Variants in KIAA1671 observed in about 807,000 individuals in gnomAD.
KIAA1671 encodes the protein uncharacterized protein KIAA1671.
A neutral mutation model predicts 131.2 loss-of-function variants in KIAA1671; 52 were observed. The observed-to-expected ratio is 0.40, with a 90% CI of 0.32 to 0.50. KIAA1671 has a LOEUF of 0.50. Ranked by LOEUF, KIAA1671 falls within the 20% of genes least tolerant of loss-of-function variation. KIAA1671 has a pLI of 0.73. For synonymous variants in KIAA1671, 1,003 were observed against 961.6 expected, an observed-to-expected ratio of 1.04 and a Z score of -0.80; for missense variants, 2,360 against 2,364.2, an observed-to-expected ratio of 1.00 and a Z score of 0.04.
At chr22:25,070,389 C>A in intron 6 of KIAA1671, 1 of 515,168 alleles carries the variant, frequency 1.9e-6, no homozygotes, top group African/African-American at 2.0e-5. Flanking sequence ...ACTGCCCCAG[C>A]CTGCTGAAGC....
At chr22:25,170,660 G>A (rs1313033051) in intron 6 of KIAA1671, among the ~76,000 whole-genome samples, 160 bp from the exon 7 acceptor site, 7 of 152,218 alleles carry the variant, frequency 4.6e-5, no homozygotes, top group African/African-American at 9.6e-5. Context: ...GATTGGTCAC[G>A]CTAGTGCCCA....
chr22:25,018,143 GC>G (rs1925439467), intron 1 of KIAA1671, among the ~76,000 whole-genome samples: 1 of 147,008 alleles, frequency 6.8e-6, no homozygotes, highest in Admixed American at 6.8e-5. Flanking sequence ...CCCCCTGTCT[GC>G]CCCCATCAGG....
chr22:24,979,350 A>ATTT (rs774816891), intron 1 of KIAA1671, among the ~76,000 whole-genome samples: 14 of 134,772 alleles, frequency 1.0e-4, no homozygotes, highest in African/African-American at 2.9e-4. Context: ...TTATTTATTT[A>ATTT]TTTATTTATT....
At chr22:25,080,060 G>T (rs1253570795) in intron 6 of KIAA1671, among the ~76,000 whole-genome samples, 1 of 152,182 alleles carries the variant, frequency 6.6e-6, no homozygotes, top group Non-Finnish European at 1.5e-5. Context: ...AGTCATGGAT[G>T]ACCCTGAGAG....
intron 5 of KIAA1671, among the ~76,000 whole-genome samples, chr22:25,046,067 C>T (rs1028260643): frequency 3.9e-5 from 6 of 151,958 alleles, no homozygotes; most frequent in African/African-American, 1.2e-4. Flanking sequence ...TTTGGGAGGC[C>T]GAGGCTGGCA....
At chr22:25,185,255 G>A in intron 11 of KIAA1671, 136 bp downstream of exon 11, 2 of 999,478 alleles carry the variant, frequency 2.0e-6, no homozygotes, top group Non-Finnish European at 2.8e-6. Context: ...CAGAAGCTTT[G>A]TTCATGAGAA....
chr22:25,171,054 A>G (rs1933829586), intron 7 of KIAA1671, 116 bp downstream of exon 7: 3 of 773,746 alleles, frequency 3.9e-6, no homozygotes, highest in Non-Finnish European at 6.4e-6. Flanking sequence ...TAATTATAAA[A>G]GGAACCCATT....
At chr22:25,022,223 C>T (rs999552813) in intron 1 of KIAA1671, among the ~76,000 whole-genome samples, 17 of 152,284 alleles carry the variant, frequency 1.1e-4, no homozygotes, top group African/African-American at 2.4e-4. Flanking sequence ...CAGCCAGAGA[C>T]GACTGAATAA....
In KIAA1671 at chr22:25,180,492, C is replaced by A. The variant is rs138990462; in HGVS notation, c.5075-1207C>A. ...GGCGGAGGTTGCAGGGAGCCGAGATCGTGCCACTGCACTCCAGCCTAGCAA... is the reference window on the plus strand; with the variant it reads ...GGCGGAGGTTGCAGGGAGCCGAGATAGTGCCACTGCACTCCAGCCTAGCAA... On this transcript the variant is annotated intron_variant, in intron 9 of 12. Transcript: ENST00000358431. 2.6e-5 allele frequency among the ~76,000 whole-genome samples: 4 copies of A among 151,978 alleles called. No homozygotes were observed. The East Asian group carries it at 7.7e-4, about 29-fold the overall frequency.
At chr22:25,045,816 C>G (rs999104841) in intron 5 of KIAA1671, among the ~76,000 whole-genome samples, 4 of 152,016 alleles carry the variant, frequency 2.6e-5, no homozygotes, top group Admixed American at 6.6e-5. Flanking sequence ...GTTTTGAACT[C>G]CTGGCCTCAA....
intron 6 of KIAA1671, among the ~76,000 whole-genome samples, chr22:25,170,542 G>A (rs564176065): frequency 9.9e-5 from 15 of 152,222 alleles, no homozygotes; most frequent in Non-Finnish European, 2.2e-4. Context: ...GGGGCCAGGC[G>A]ATGCCCTGCA....
chr22:25,181,015 A>C (rs2146034126), intron 9 of KIAA1671, among the ~76,000 whole-genome samples: 1 of 152,248 alleles, frequency 6.6e-6, no homozygotes, highest in African/African-American at 2.4e-5. Context: ...TTCTTAGCGT[A>C]CCTCAGTTCC....
intron 6 of KIAA1671, among the ~76,000 whole-genome samples, chr22:25,142,640 G>A (rs1480522676): frequency 6.6e-6 from 1 of 152,230 alleles, no homozygotes; most frequent in Admixed American, 6.5e-5. Context: ...GGGAGGCCGA[G>A]GCGGGTGGGT....
chr22:25,140,497 T>C (rs1171183743), intron 6 of KIAA1671, among the ~76,000 whole-genome samples: 1 of 152,202 alleles, frequency 6.6e-6, no homozygotes, highest in African/African-American at 2.4e-5. Flanking sequence ...AGGCAGGGTC[T>C]TCTATAATGT....
rs1471830576 is a variant in KIAA1671 at position 25,027,805 on chromosome 22, C to T, written c.-55-140C>T. ...AGAGACGGGGAGAGGCAGGCCCAAG[C>T]CTGCCGGGTGAGGTCAGCAGAGGGC... On this transcript the variant is annotated intron_variant, in intron 2 of 12. Coordinates refer to ENST00000358431, the MANE Select transcript of KIAA1671 (RefSeq NM_001145206.2). 3.4e-5 allele frequency: 17 copies of T among 493,162 alleles called. No individual in the cohort carries two copies. In the East Asian group the frequency reaches 5.5e-4, roughly 16 times the overall value. 30.5% of individuals were successfully genotyped at this position (493,162 alleles called of 1,614,324 possible).
rs1006267870 is a variant in KIAA1671, at chr22:25,016,860, G to A, written c.-207-8773G>A. Among the ~76,000 whole-genome samples, 87 of 152,264 alleles carry A rather than the reference G, an allele frequency of 5.7e-4. 1 individual carries two copies. Among genetic ancestry groups the A allele is most frequent in the African/African-American group, 2.1e-3 (86 of 41,542 alleles). On this transcript the variant is annotated intron_variant, in intron 1 of 12. Transcript: ENST00000358431. The stretch of plus-strand genomic sequence containing the variant: ...CAGGAAGGAATTCAAGTGAGCCAGC[G>A]GTGTTAAACAGCAACTGTTATTGAA...
intron 6 of KIAA1671, among the ~76,000 whole-genome samples, chr22:25,099,783 T>TA (rs1930575047): frequency 6.6e-6 from 1 of 152,168 alleles, no homozygotes; most frequent in East Asian, 1.9e-4. Flanking sequence ...GAGGTACTGG[T>TA]ATTACAGGTG....
chr22:25,171,578 G>A (rs1023502816), intron 7 of KIAA1671, among the ~76,000 whole-genome samples: 9 of 152,094 alleles, frequency 5.9e-5, no homozygotes, highest in African/African-American at 2.2e-4. Flanking sequence ...AGCTGGGTGT[G>A]GTGGTGGGCA....
chr22:25,157,321 T>C (rs1434948528), intron 6 of KIAA1671, among the ~76,000 whole-genome samples: 1 of 152,192 alleles, frequency 6.6e-6, no homozygotes, highest in Non-Finnish European at 1.5e-5. Context: ...AGGTATTCTG[T>C]GCGTTTTGGT....
Sources: allele counts gnomAD v4.1 joint callset (sites outside exome capture counted in the v4.1 genomes callset), GRCh38; gene constraint gnomAD v4.1.1; transcripts MANE v1.5; gene names NCBI Gene and HGNC (gene_info 2026-07-23, HGNC 2026-07-21).